The following LARS1 variants were observed in gnomAD, a reference collection of about 807,000 sequenced individuals.
LARS1 encodes leucine--tRNA ligase, cytoplasmic.
In LARS1, 100 loss-of-function variants were observed where a neutral mutation model predicts 162.8. The ratio of observed to expected loss-of-function variants is 0.61; its 90% CI spans 0.52 to 0.73. The LOEUF (loss-of-function observed/expected upper bound fraction) is 0.73. Ranked by LOEUF, LARS1 falls within the 30% of genes least tolerant of loss-of-function variation. LARS1 has a pLI of 0.00. For synonymous variants in LARS1, 457 were observed against 462.8 expected (o/e 0.99, Z 0.16); for missense variants, 1,258 against 1,408.9 (o/e 0.89, Z 1.71).
chr5:146,172,815 A>C, intron 2 of LARS1, 41 bp from the exon 3 acceptor site: 1 of 1,104,200 alleles, frequency 9.1e-7, no homozygotes, highest in Non-Finnish European at 1.3e-6. Context: ...CAGAAGAATA[A>C]ATGTTAAGTT....
intron 4 of LARS1, among the ~76,000 whole-genome samples, chr5:146,170,410 C>A (rs995105693): frequency 6.6e-6 from 1 of 151,428 alleles, no homozygotes; most frequent in Non-Finnish European, 1.5e-5. Flanking sequence ...GCAGATGTTG[C>A]AGCAAGCCAA....
chr5:146,181,848 C>CTTTTTCTTTTT (rs1754864075), intron 1 of LARS1, among the ~76,000 whole-genome samples: 1 of 53,030 alleles, frequency 1.9e-5, no homozygotes, highest in African/African-American at 7.0e-5. Context: ...TCAATTTTTT[C>CTTTTTCTTTTT]TTTTTTTTTT....
intron 6 of LARS1, among the ~76,000 whole-genome samples, chr5:146,162,468 T>C (rs1351580113): frequency 2.0e-5 from 3 of 152,210 alleles, no homozygotes; most frequent in Non-Finnish European, 2.9e-5. Context: ...GCTTAAAACA[T>C]TCACCAAACC....
intron 24 of LARS1, 160 bp from the exon 25 acceptor site, chr5:146,130,318 TATTTATCTTTGTCCA>T: frequency 1.4e-6 from 1 of 714,426 alleles, no homozygotes; most frequent in Non-Finnish European, 2.3e-6. Flanking sequence ...AATCTGCAAG[TATTTATCTTTGTCCA>T]AAGTATATGG....
chr5:146,126,606 A>T, intron 27 of LARS1, 61 bp from the exon 28 acceptor site: 1 of 1,103,176 alleles, frequency 9.1e-7, no homozygotes, highest in Non-Finnish European at 1.4e-6. Context: ...AAGGCAGAAC[A>T]GTAGATGTGA....
intron 6 of LARS1, among the ~76,000 whole-genome samples, chr5:146,163,438 C>A (rs902233255): frequency 6.6e-6 from 1 of 152,188 alleles, no homozygotes; most frequent in African/African-American, 2.4e-5. Context: ...ATAATCCCAG[C>A]ACTTTGGGAG....
chr5:146,172,033 A>G lies in LARS1; in HGVS notation c.214-43T>C, dbSNP rs201702583. The G allele has an allele frequency of 1.8e-4, 269 of 1,481,892 alleles. 1 individual carries two copies. In the African/African-American group the frequency reaches 3.3e-3, roughly 18 times the overall value. 91.8% of individuals were successfully genotyped at this position (1,481,892 alleles called of 1,614,324 possible). A position where few individuals can be genotyped will look rare whatever the true frequency, so the allele number is the denominator to read the frequency against. ...AATTTAAATTGCAAATTTAAATGCC[A>G]GACAAATACAAAATGTGAACTTTTC... On this transcript the variant is annotated intron_variant, in intron 3 of 31. Transcript: ENST00000394434.
rs1450540983 is a variant in LARS1 at position 146,155,635 on chromosome 5, T to C, written c.1066-1655A>G. 2.0e-5 allele frequency among the ~76,000 whole-genome samples: 3 copies of C among 152,186 alleles called. No homozygotes were observed. The East Asian group carries it at 5.8e-4, about 29-fold the overall frequency. Reference sequence around the variant, plus strand: ...ATTCCCACCCACCCCTCTTTATTCATATATGTACTTATAACCTGCCTTTAT... The same window carrying C: ...ATTCCCACCCACCCCTCTTTATTCACATATGTACTTATAACCTGCCTTTAT... On this transcript the variant is annotated intron_variant, in intron 10 of 31. Transcript: ENST00000394434.
intron 31 of LARS1, among the ~76,000 whole-genome samples, chr5:146,117,645 T>C (rs114729841): frequency 0.013 from 2,011 of 152,252 alleles, 45 homozygotes; most frequent in African/African-American, 0.047. Flanking sequence ...ATCCAGTGGG[T>C]CCACACACAT....
rs747899236 is a variant in LARS1 at position 146,135,671 on chromosome 5, TAG to T, written c.2149-9_2149-8del. 8.2e-6 allele frequency: 13 copies of T among 1,586,712 alleles called. No homozygotes were observed. The highest frequency in any genetic ancestry group is 1.1e-5 in the Non-Finnish European group (13 of 1,169,236). On this transcript the variant is annotated splice_region_variant and splice_polypyrimidine_tract_variant and intron_variant, in intron 21 of 31. Coordinates refer to ENST00000394434, the MANE Select transcript of LARS1 (RefSeq NM_020117.11). ...TGCCTGTGGATTTTGACATCTGAAATAGAGAGTCAGTGATCAATCATTAATAA... is the reference window on the plus strand; with the variant it reads ...TGCCTGTGGATTTTGACATCTGAAATAGAGTCAGTGATCAATCATTAATAA...
intron 24 of LARS1, 127 bp from the exon 25 acceptor site, chr5:146,130,285 T>A (rs570080802): frequency 2.3e-6 from 2 of 874,328 alleles, no homozygotes; most frequent in African/African-American, 1.7e-5. Flanking sequence ...CATAACAAAT[T>A]ACTGTAAAGG....
rs1042937851 is a variant in LARS1, at chr5:146,146,353, A to AG, written c.1504-1645_1504-1644insC. On this transcript the variant is annotated intron_variant, in intron 15 of 31. Transcript: ENST00000394434. ...AGCAAAACTCCGAAAAAAAAAAAAA[A>AG]AGAAAGAGAAGAGAGAGAGAGAGAG... Among the ~76,000 whole-genome samples, 538 of 139,658 alleles carry AG rather than the reference A, an allele frequency of 3.9e-3. 5 individuals are homozygous for AG. The highest frequency in any genetic ancestry group is 0.012 in the African/African-American group (504 of 40,522). The allele number at this position is 139,658 out of a possible 152,430, so 91.6% of individuals were successfully genotyped here. A position where few individuals can be genotyped will look rare whatever the true frequency, so the allele number is the denominator to read the frequency against.
chr5:146,164,689 C>T (rs917777818), intron 5 of LARS1, among the ~76,000 whole-genome samples: 16 of 152,130 alleles, frequency 1.1e-4, no homozygotes, highest in African/African-American at 3.1e-4. Flanking sequence ...CCAAGATATC[C>T]GCCAAGACAC....
chr5:146,150,313 T>C (rs1165050750), intron 14 of LARS1, among the ~76,000 whole-genome samples: 2 of 152,226 alleles, frequency 1.3e-5, no homozygotes, highest in Non-Finnish European at 2.9e-5. Context: ...TTCATCTACA[T>C]GACTCTTATA....
intron 15 of LARS1, among the ~76,000 whole-genome samples, chr5:146,147,909 C>A (rs972924729): frequency 3.9e-5 from 6 of 152,120 alleles, no homozygotes; most frequent in African/African-American, 1.4e-4. Context: ...AAAGATTATA[C>A]AAGCCTCCAA....
chr5:146,134,720 G>C (rs1252812367), intron 22 of LARS1, among the ~76,000 whole-genome samples: 2 of 152,220 alleles, frequency 1.3e-5, no homozygotes, highest in African/African-American at 4.8e-5. Context: ...AGGCCAAGGA[G>C]GGTGGATCAC....
chr5:146,154,064 T>G, intron 10 of LARS1, 84 bp from the exon 11 acceptor site: 1 of 936,208 alleles, frequency 1.1e-6, no homozygotes, highest in Non-Finnish European at 1.6e-6. Flanking sequence ...TTTTAAGCCC[T>G]GAGAAGCTAG....
Position 146,153,806 on chromosome 5 carries a change from A to T in LARS1, c.1158T>A (p.Thr386=). Residue 386 remains threonine (T), a synonymous_variant, in exon 12 of 32, where the codon ACT becomes ACA. Transcript: ENST00000394434. ...PMLTIKEDKG[T]GVVTSVPSDS... The stretch of plus-strand genomic sequence containing the variant: ...CGGAAGGAACACTTGTAACCACACC[A>T]GTGCCTTAGAAAACAAAGTGTGGAA... 1.2e-6 allele frequency: 2 copies of T among 1,613,934 alleles called. No individual in the cohort carries two copies. The highest frequency in any genetic ancestry group is 2.7e-5 in the African/African-American group (2 of 75,046).
chr5:146,157,673 G>C (rs763169798), intron 9 of LARS1, 45 bp from the exon 10 acceptor site: 15 of 1,612,388 alleles, frequency 9.3e-6, no homozygotes, highest in Non-Finnish European at 1.3e-5. Context: ...TGTCAACTCT[G>C]TAACAACTAT....
Sources: gnomAD v4.1 joint callset for allele counts (sites outside exome capture counted in the v4.1 genomes callset) on GRCh38, gnomAD v4.1.1 for gene constraint, MANE v1.5 for transcripts, NCBI Gene and HGNC (gene_info 2026-07-23, HGNC 2026-07-21) for gene names.